Variants in NRXN1 observed in about 807,000 individuals in gnomAD.
NRXN1 encodes the protein neurexin-1.
In NRXN1, 39 loss-of-function variants were observed where a neutral mutation model predicts 150.9. The observed-to-expected ratio is 0.26, with a 90% CI of 0.20 to 0.34. NRXN1 has a LOEUF of 0.34. Among genes scored for constraint, NRXN1 ranks in the 10% least tolerant of loss-of-function variants. The pLI, the probability that NRXN1 is intolerant of heterozygous loss-of-function variation, is 1.00. For missense variants in NRXN1, 1,815 were observed against 1,949.9 expected (o/e 0.93, Z 1.30); for synonymous variants, 924 against 757.0 (o/e 1.22, Z -3.62).
At chr2:50,953,247 A>G (rs1292496220) in intron 2 of NRXN1, among the ~76,000 whole-genome samples, 2 of 152,226 alleles carry the variant, frequency 1.3e-5, no homozygotes, top group African/African-American at 2.4e-5. Context: ...AAATACCTCA[A>G]TGTCTCTGAG....
intron 8 of NRXN1, among the ~76,000 whole-genome samples, chr2:50,553,576 C>T (rs758783060): frequency 6.6e-6 from 1 of 152,168 alleles, no homozygotes; most frequent in African/African-American, 2.4e-5. Flanking sequence ...AACAGCCTGA[C>T]ATTTCTCAGA....
chr2:50,455,082 CA>C (rs1173580512), intron 17 of NRXN1, among the ~76,000 whole-genome samples: 1 of 152,088 alleles, frequency 6.6e-6, no homozygotes, highest in Non-Finnish European at 1.5e-5. Flanking sequence ...TTCTCTGAAT[CA>C]AAGAGTTGAT....
At chr2:50,179,668 T>C (rs1009919668) in intron 18 of NRXN1, among the ~76,000 whole-genome samples, 20 of 152,156 alleles carry the variant, frequency 1.3e-4, no homozygotes, top group Non-Finnish European at 1.0e-4. Context: ...ACCCCAATAA[T>C]AGCAGTCCCA....
chr2:50,526,446 C>T (rs2092954534), intron 12 of NRXN1, among the ~76,000 whole-genome samples: 1 of 152,120 alleles, frequency 6.6e-6, no homozygotes, highest in Non-Finnish European at 1.5e-5. Context: ...ACAGAGGACA[C>T]ATGTAATAAC....
At chr2:50,256,685 T>C (rs2152905514) in intron 17 of NRXN1, among the ~76,000 whole-genome samples, 1 of 152,242 alleles carries the variant, frequency 6.6e-6, no homozygotes, top group Middle Eastern at 3.4e-3. Context: ...AGCAGATAGA[T>C]AACTGCGTAG....
At chr2:50,836,169 C>T (rs66703491) in intron 5 of NRXN1, among the ~76,000 whole-genome samples, 23,243 of 151,992 alleles carry the variant, frequency 0.15, 1,988 homozygotes, top group Non-Finnish European at 0.18. Context: ...TTTCCTTCGA[C>T]GGTCGTCTGT....
chr2:49,980,730 C>T (rs2152507431), intron 21 of NRXN1, among the ~76,000 whole-genome samples: 1 of 152,234 alleles, frequency 6.6e-6, no homozygotes, highest in East Asian at 1.9e-4. Flanking sequence ...ACCTCCACTG[C>T]TGCAATTAGA....
intron 18 of NRXN1, among the ~76,000 whole-genome samples, chr2:50,094,665 G>T (rs1335317394): frequency 6.6e-6 from 1 of 151,992 alleles, no homozygotes; most frequent in Admixed American, 6.6e-5. Flanking sequence ...AAGGACACTT[G>T]TGGACCCTAG....
intron 15 of NRXN1, among the ~76,000 whole-genome samples, chr2:50,484,957 T>C (rs1157606502): frequency 1.3e-5 from 2 of 152,220 alleles, no homozygotes; most frequent in Admixed American, 6.5e-5. Context: ...CATTCAGAAG[T>C]AATCCTTTCA....
chr2:50,659,874 A>T (rs1430387680), intron 5 of NRXN1, among the ~76,000 whole-genome samples: 1 of 151,962 alleles, frequency 6.6e-6, no homozygotes, highest in African/African-American at 2.4e-5. Context: ...TTCTAAATTA[A>T]GTTTCTATTT....
intron 18 of NRXN1, among the ~76,000 whole-genome samples, chr2:50,095,853 T>C (rs1207313004): frequency 6.6e-6 from 1 of 151,810 alleles, no homozygotes; most frequent in Non-Finnish European, 1.5e-5. Context: ...TTGTTACATA[T>C]GTATACATGT....
intron 18 of NRXN1, among the ~76,000 whole-genome samples, chr2:50,102,585 C>T (rs1463915732): frequency 6.6e-6 from 1 of 151,960 alleles, no homozygotes; most frequent in Non-Finnish European, 1.5e-5. Flanking sequence ...TCACATTATT[C>T]GTTACACATT....
intron 17 of NRXN1, among the ~76,000 whole-genome samples, chr2:50,295,462 T>C (rs762408306): frequency 1.4e-4 from 21 of 152,300 alleles, no homozygotes; most frequent in Non-Finnish European, 3.1e-4. Context: ...TAAATAATTG[T>C]TTAATATTAC....
chr2:50,532,526 G>A (rs1403185388), intron 10 of NRXN1, among the ~76,000 whole-genome samples: 1 of 152,060 alleles, frequency 6.6e-6, no homozygotes, highest in African/African-American at 2.4e-5. Context: ...TTAAGGAACT[G>A]TTACTTCCTT....
intron 5 of NRXN1, among the ~76,000 whole-genome samples, chr2:50,879,374 T>G (rs1283913790): frequency 6.6e-6 from 1 of 151,938 alleles, no homozygotes; most frequent in East Asian, 1.9e-4. Flanking sequence ...TGCAGTTATT[T>G]CTAATTATTT....
At chr2:50,084,183 T>C (rs968127249) in intron 19 of NRXN1, among the ~76,000 whole-genome samples, 7 of 152,206 alleles carry the variant, frequency 4.6e-5, no homozygotes, top group Admixed American at 1.3e-4. Context: ...TCACCCAGCG[T>C]ATCCCACACG....
At chr2:50,100,619 G>C (rs578057656) in intron 18 of NRXN1, among the ~76,000 whole-genome samples, 1 of 152,090 alleles carries the variant, frequency 6.6e-6, no homozygotes, top group South Asian at 2.1e-4. Context: ...GTGGCCATGG[G>C]TACAGACATA....
intron 17 of NRXN1, among the ~76,000 whole-genome samples, chr2:50,448,858 A>G (rs919127880): frequency 7.9e-5 from 12 of 152,178 alleles, no homozygotes; most frequent in African/African-American, 2.9e-4. Context: ...CAATTCTAAC[A>G]CTAAAATATA....
chr2:50,062,581 G>C (rs990653908), intron 19 of NRXN1, among the ~76,000 whole-genome samples: 2 of 152,092 alleles, frequency 1.3e-5, no homozygotes, highest in African/African-American at 4.8e-5. Context: ...CGGGAAATGA[G>C]AGTAATTACA....
Sources: gnomAD v4.1 joint callset for allele counts (sites outside exome capture counted in the v4.1 genomes callset) on GRCh38, gnomAD v4.1.1 for gene constraint, MANE v1.5 for transcripts, NCBI Gene and HGNC (gene_info 2026-07-23, HGNC 2026-07-21) for gene names.